Variants in FHIT observed in about 807,000 individuals in gnomAD.
FHIT encodes the protein bis(5'-adenosyl)-triphosphatase.
Under a neutral mutation model 17.9 loss-of-function variants are expected in FHIT, and 19 were observed. The ratio of observed to expected loss-of-function variants is 1.06; its 90% CI spans 0.74 to 1.56. The LOEUF is 1.56. Ranked by LOEUF, FHIT falls within the 40% of genes most tolerant of loss-of-function variation. The pLI is 0.00. For missense variants in FHIT, 248 were observed against 189.2 expected (o/e 1.31, Z -1.82); for synonymous variants, 81 against 69.7 (o/e 1.16, Z -0.81).
At chr3:60,384,802 A>C (rs372141553) in intron 5 of FHIT, among the ~76,000 whole-genome samples, 3 of 151,482 alleles carry the variant, frequency 2.0e-5, no homozygotes, top group East Asian at 3.9e-4. Flanking sequence ...ACTATGTGAG[A>C]GATGAACAGA....
At chr3:60,631,175 T>C (rs1553682353) in intron 4 of FHIT, among the ~76,000 whole-genome samples, 2 of 152,136 alleles carry the variant, frequency 1.3e-5, no homozygotes, top group African/African-American at 4.8e-5. Context: ...CCCCTCCTCC[T>C]CTGTAGACTT....
chr3:60,745,749 A>G (rs2042343783), intron 4 of FHIT, among the ~76,000 whole-genome samples: 1 of 152,200 alleles, frequency 6.6e-6, no homozygotes, highest in Admixed American at 6.5e-5. Flanking sequence ...AATATACCAG[A>G]GTCATCCAAT....
intron 5 of FHIT, among the ~76,000 whole-genome samples, chr3:60,511,175 T>C (rs1163319961): frequency 6.6e-6 from 1 of 152,202 alleles, no homozygotes; most frequent in East Asian, 1.9e-4. Context: ...ATTAAAATGA[T>C]AATATTAACT....
At chr3:61,163,549 C>T (rs1400552214) in intron 2 of FHIT, among the ~76,000 whole-genome samples, 1 of 152,184 alleles carries the variant, frequency 6.6e-6, no homozygotes, top group Admixed American at 6.5e-5. Flanking sequence ...TCCCCTGAAG[C>T]AGGCCATAAA....
chr3:60,129,042 C>CTTTTTTTTTTTTTTTTTTTTTTT (rs1360333142), intron 5 of FHIT, among the ~76,000 whole-genome samples: 7 of 113,010 alleles, frequency 6.2e-5, no homozygotes, highest in African/African-American at 2.4e-4. Flanking sequence ...TTCTTCTTTC[C>CTTTTTTTTTTTTTTTTTTTTTTT]TTTTTTGTTT....
chr3:60,113,641 C>A (rs78484767), intron 5 of FHIT, among the ~76,000 whole-genome samples: 11,220 of 151,542 alleles, frequency 0.074, 599 homozygotes, highest in Admixed American at 0.12. Context: ...GTTTTGGAGA[C>A]GGGTGCACAA....
At chr3:60,228,175 G>A (rs1251856891) in intron 5 of FHIT, among the ~76,000 whole-genome samples, 4 of 152,048 alleles carry the variant, frequency 2.6e-5, no homozygotes, top group Non-Finnish European at 2.9e-5. Flanking sequence ...CTCATTATTG[G>A]AAGGAGTATA....
chr3:61,050,924 G>A (rs1367153165), intron 2 of FHIT, among the ~76,000 whole-genome samples: 1 of 152,224 alleles, frequency 6.6e-6, no homozygotes, highest in South Asian at 2.1e-4. Flanking sequence ...TTTCTTCTAA[G>A]AATGCTCCAA....
chr3:61,093,118 A>T (rs990649979), intron 2 of FHIT, among the ~76,000 whole-genome samples: 6 of 152,214 alleles, frequency 3.9e-5, no homozygotes, highest in African/African-American at 1.4e-4. Flanking sequence ...GTCTCGCCTC[A>T]TCTGTAAATG....
chr3:60,550,922 G>A (rs1158095388), intron 4 of FHIT, among the ~76,000 whole-genome samples: 1 of 152,138 alleles, frequency 6.6e-6, no homozygotes, highest in Non-Finnish European at 1.5e-5. Context: ...TGACTTGAAG[G>A]AAATGATCAA....
chr3:60,831,032 A>C (rs1702309650), intron 3 of FHIT, among the ~76,000 whole-genome samples: 1 of 152,212 alleles, frequency 6.6e-6, no homozygotes, highest in Non-Finnish European at 1.5e-5. Context: ...CTTTAAGATT[A>C]AATTATTTCT....
chr3:60,161,676 A>T (rs2107367049), intron 5 of FHIT, among the ~76,000 whole-genome samples: 1 of 152,170 alleles, frequency 6.6e-6, no homozygotes, highest in African/African-American at 2.4e-5. Flanking sequence ...AGGGACCTGC[A>T]TTTGGGGGAA....
At chr3:60,481,474 C>T (rs1161060598) in intron 5 of FHIT, among the ~76,000 whole-genome samples, 3 of 152,164 alleles carry the variant, frequency 2.0e-5, no homozygotes, top group African/African-American at 4.8e-5. Context: ...AACAGTGGAC[C>T]TCTCAGCAGA....
At chr3:60,454,864 C>A (rs1023207649) in intron 5 of FHIT, among the ~76,000 whole-genome samples, 8 of 151,942 alleles carry the variant, frequency 5.3e-5, no homozygotes, top group African/African-American at 1.7e-4. Context: ...GATAAGGAAA[C>A]TGAGGCACAG....
chr3:61,249,639 T>C lies in FHIT; in HGVS notation c.-213+1662A>G, dbSNP rs543276065. Among the ~76,000 whole-genome samples, 6 of 152,290 alleles carry C rather than the reference T, an allele frequency of 3.9e-5. No homozygotes were observed. The South Asian group carries it at 1.2e-3, about 32-fold the overall frequency. ...AACTTTCCTAGCCTTAGTTTTCTAA[T>C]CTGTAAAGTTGATATAAAAATGGTT... is the stretch of plus-strand genomic sequence containing the variant. On this transcript the variant is annotated intron_variant, in intron 1 of 9. Transcript: ENST00000492590.
rs1706421646 is a variant in FHIT at position 59,939,777 on chromosome 3, T to A, written c.280-17363A>T. Among the ~76,000 whole-genome samples the A allele has an allele frequency of 1.3e-5, 2 of 152,116 alleles. 1 individual carries two copies. The highest frequency in any genetic ancestry group is 4.2e-4 in the South Asian group (2 of 4,816). On this transcript the variant is annotated intron_variant, in intron 7 of 9. Coordinates refer to ENST00000492590, the MANE Select transcript of FHIT (RefSeq NM_002012.4). ...CAGGCTCATGGATATAAAATTTGGG[T>A]ATCAAGTTTTGCTCCAGAGAAATGT...
At chr3:60,026,229 C>G (rs1700736434) in intron 5 of FHIT, among the ~76,000 whole-genome samples, 2 of 152,152 alleles carry the variant, frequency 1.3e-5, no homozygotes, top group Non-Finnish European at 2.9e-5. Context: ...AATATCTGTA[C>G]CTACTTCATT....
intron 5 of FHIT, among the ~76,000 whole-genome samples, chr3:60,071,561 T>G (rs1702771783): frequency 6.6e-6 from 1 of 152,174 alleles, no homozygotes; most frequent in East Asian, 1.9e-4. Flanking sequence ...CTGTTCACCC[T>G]TCTAAATGCA....
At chr3:60,537,081 C>T in intron 4 of FHIT, 102 bp from the exon 5 acceptor site, 2 of 909,570 alleles carry the variant, frequency 2.2e-6, no homozygotes, top group Non-Finnish European at 3.1e-6. Flanking sequence ...TTCTTAGTTG[C>T]AGAGAGGATG....
Sources: gnomAD v4.1 joint callset for allele counts (sites outside exome capture counted in the v4.1 genomes callset) on GRCh38, gnomAD v4.1.1 for gene constraint, MANE v1.5 for transcripts, NCBI Gene and HGNC (gene_info 2026-07-23, HGNC 2026-07-21) for gene names.